TEX11: variants seen among roughly 807,000 people sequenced by gnomAD.
TEX11 encodes the protein testis-expressed protein 11.
Under a neutral mutation model 84.4 loss-of-function variants are expected in TEX11, and 7 were observed. That is an observed-to-expected ratio of 0.08 (90% CI 0.05 to 0.16). TEX11 has a LOEUF of 0.16. TEX11 is among the 10% of genes least tolerant of loss of function. The probability of loss-of-function intolerance (pLI) is 1.00; values close to 1 mark genes in which losing one functional copy is unlikely to be tolerated. For synonymous variants in TEX11, 264 were observed against 222.8 expected (o/e 1.18, Z -1.64); for missense variants, 551 against 660.5 (o/e 0.83, Z 1.82).
At chrX:70,632,470 G>C (rs2089522002) in intron 17 of TEX11, among the ~76,000 whole-genome samples, 1 of 111,444 alleles carries the variant, frequency 9.0e-6, no homozygotes, top group Non-Finnish European at 1.9e-5. Context: ...TGAGCTAGGT[G>C]TAGTGGCATG....
At chrX:70,870,102 A>G (rs1297665256) in intron 4 of TEX11, among the ~76,000 whole-genome samples, 1 of 111,755 alleles carries the variant, frequency 8.9e-6, no homozygotes, top group Non-Finnish European at 1.9e-5. Flanking sequence ...ACAGCCTGAA[A>G]TTGAATTGAC....
chrX:70,645,619 G>A (rs60924373), intron 17 of TEX11, among the ~76,000 whole-genome samples: 1 of 111,392 alleles, frequency 9.0e-6, no homozygotes, highest in East Asian at 2.8e-4. Flanking sequence ...ACACAAAGTA[G>A]TAGCATTTCT....
At chrX:70,711,186 C>T (rs866754582) in intron 13 of TEX11, among the ~76,000 whole-genome samples, 7 of 111,383 alleles carry the variant, frequency 6.3e-5, no homozygotes, top group Admixed American at 1.9e-4. Context: ...TCCAGTCTAT[C>T]ATTGATGGAC....
At chrX:70,640,256 A>G (rs1175418321) in intron 17 of TEX11, among the ~76,000 whole-genome samples, 1 of 107,968 alleles carries the variant, frequency 9.3e-6, no homozygotes, top group Admixed American at 1.0e-4. Context: ...CCTCCAAGAA[A>G]TATGGGACTA....
At chrX:70,741,353 T>C (rs1320734557) in intron 10 of TEX11, among the ~76,000 whole-genome samples, 1 of 111,996 alleles carries the variant, frequency 8.9e-6, no homozygotes, top group Non-Finnish European at 1.9e-5. Flanking sequence ...TATGATTCCA[T>C]TTATACAAAG....
chrX:70,638,549 C>T (rs5936578), intron 17 of TEX11, among the ~76,000 whole-genome samples: 46,858 of 109,642 alleles, frequency 0.43, 8,385 homozygotes, highest in East Asian at 0.58. Flanking sequence ...CCTGTAATCC[C>T]AGCACTTTGG....
chrX:70,713,049 C>T (rs1391038090), intron 13 of TEX11, among the ~76,000 whole-genome samples: 4 of 111,754 alleles, frequency 3.6e-5, no homozygotes, highest in Non-Finnish European at 7.5e-5. Context: ...TTGAGATAAT[C>T]ATGTGGTTTT....
chrX:70,697,397 A>T (rs908068371), intron 13 of TEX11, among the ~76,000 whole-genome samples: 3 of 111,854 alleles, frequency 2.7e-5, no homozygotes, highest in Non-Finnish European at 3.8e-5. Context: ...TCATTTAGTT[A>T]GTAGCAAGGA....
intron 9 of TEX11, among the ~76,000 whole-genome samples, chrX:70,780,842 G>A (rs2091034416): frequency 8.9e-6 from 1 of 112,513 alleles, no homozygotes; most frequent in Non-Finnish European, 1.9e-5. Flanking sequence ...GCTCAGCAAG[G>A]CCCACTGCCT....
intron 9 of TEX11, among the ~76,000 whole-genome samples, chrX:70,792,596 C>T (rs781100896): frequency 2.8e-5 from 3 of 106,888 alleles, no homozygotes; most frequent in Admixed American, 1.0e-4. Flanking sequence ...AAAAGATCAA[C>T]GAAACCAAAA....
At chrX:70,523,858 G>A in the TEX11 span, among the ~76,000 whole-genome samples, 30 of 107,465 alleles carry the variant, frequency 2.8e-4, no homozygotes, top group East Asian at 8.2e-3. Context: ...TCTGGAATAC[G>A]TTATTGGAAG....
At chrX:70,644,519 A>C (rs2089713543) in intron 17 of TEX11, among the ~76,000 whole-genome samples, 1 of 108,892 alleles carries the variant, frequency 9.2e-6, no homozygotes, top group Non-Finnish European at 1.9e-5. Context: ...CTTGGAACCA[A>C]CCCAAATGTC....
chrX:70,770,386 G>A (rs1195605531), intron 9 of TEX11, among the ~76,000 whole-genome samples: 2 of 111,294 alleles, frequency 1.8e-5, no homozygotes, highest in Non-Finnish European at 3.8e-5. Context: ...ACTATCCTTA[G>A]GGTAAATATA....
At chrX:70,643,894 T>C (rs1239664815) in intron 17 of TEX11, among the ~76,000 whole-genome samples, 2 of 108,104 alleles carry the variant, frequency 1.9e-5, no homozygotes, top group East Asian at 5.8e-4. Context: ...CCAAAAGCAA[T>C]GGCAACAAAA....
chrX:70,592,569 A>ATCTCATCTCAGCTC (rs1160351467), intron 24 of TEX11, among the ~76,000 whole-genome samples: 1 of 111,393 alleles, frequency 9.0e-6, no homozygotes, highest in East Asian at 2.8e-4. Context: ...TCTCAATCTC[A>ATCTCATCTCAGCTC]TCTCATCTCA....
chrX:70,721,092 T>G, intron 13 of TEX11, among the ~76,000 whole-genome samples: 1 of 111,680 alleles, frequency 9.0e-6, no homozygotes, highest in Admixed American at 9.6e-5. Context: ...TTAATCAAAT[T>G]ACGTTAGAGG....
intron 9 of TEX11, among the ~76,000 whole-genome samples, chrX:70,752,733 T>C (rs988581683): frequency 1.8e-5 from 2 of 109,951 alleles, no homozygotes; most frequent in Admixed American, 9.7e-5. Flanking sequence ...AAAAATCACC[T>C]TCCTAAGAAC....
rs370600310 is a variant in TEX11 at position 70,711,759 on chromosome X, A to G, written c.1004+10859T>C. ...TAGGTTGCCTGTTCACTCTGATGGTAGTTTCTTTTGCTGTGCAGAAGCTCT... is the reference window on the plus strand; with the variant it reads ...TAGGTTGCCTGTTCACTCTGATGGTGGTTTCTTTTGCTGTGCAGAAGCTCT... On this transcript the variant is annotated intron_variant, in intron 13 of 29. Coordinates refer to ENST00000374333, the MANE Select transcript of TEX11 (RefSeq NM_031276.3). 3.8e-4 allele frequency among the ~76,000 whole-genome samples: 42 copies of G among 111,217 alleles called. No individual in the cohort carries two copies. In the East Asian group the frequency reaches 0.011, roughly 28 times the overall value.
intron 25 of TEX11, among the ~76,000 whole-genome samples, chrX:70,583,138 G>T (rs1197871581): frequency 1.8e-5 from 2 of 111,259 alleles, no homozygotes; most frequent in Non-Finnish European, 3.8e-5. Flanking sequence ...AAGGACAGAA[G>T]TTCAGTTTTG....
Sources: gnomAD v4.1 joint callset for allele counts (sites outside exome capture counted in the v4.1 genomes callset) on GRCh38, gnomAD v4.1.1 for gene constraint, MANE v1.5 for transcripts, NCBI Gene and HGNC (gene_info 2026-07-23, HGNC 2026-07-21) for gene names.